LHFPL3: variants seen among roughly 807,000 people sequenced by gnomAD.
LHFPL3 encodes LHFPL tetraspan subfamily member 3 protein.
In LHFPL3, 5 loss-of-function variants were observed where a neutral mutation model predicts 19.3. The observed-to-expected ratio is 0.26, with a 90% CI of 0.14 to 0.54. The LOEUF (loss-of-function observed/expected upper bound fraction) is 0.54. LHFPL3 is among the 20% of genes least tolerant of loss of function. LHFPL3 has a pLI of 0.94. For missense variants in LHFPL3, 249 were observed against 307.4 expected (o/e 0.81, Z 1.42); for synonymous variants, 133 against 126.2 (o/e 1.05, Z -0.36).
In LHFPL3 at chr7:104,460,399, A is replaced by G. The variant is rs1328619203; in HGVS notation, c.445+131175A>G. Among the ~76,000 whole-genome samples the G allele has an allele frequency of 2.6e-5, 4 of 152,040 alleles. No individual in the cohort carries two copies. The East Asian group carries it at 7.7e-4, about 29-fold the overall frequency. ...GATTGCTGGGTCAAGTAGTAGTTCT[A>G]TTTTTGGCTTTTTGAGGAATTGACA... is the stretch of plus-strand genomic sequence containing the variant. On this transcript the variant is annotated intron_variant, in intron 1 of 2. Transcript: ENST00000424859.
chr7:104,887,283 C>T (rs1584598906), intron 2 of LHFPL3, among the ~76,000 whole-genome samples: 1 of 152,296 alleles, frequency 6.6e-6, no homozygotes, highest in Non-Finnish European at 1.5e-5. Flanking sequence ...TGGGTTCCCC[C>T]ATAGATAGAT....
At chr7:104,330,439 C>T (rs1373824622) in intron 1 of LHFPL3, among the ~76,000 whole-genome samples, 1 of 152,194 alleles carries the variant, frequency 6.6e-6, no homozygotes, top group Non-Finnish European at 1.5e-5. Flanking sequence ...GAGAGGGATT[C>T]AATCCCTGAC....
chr7:104,504,571 C>A (rs1418268129), intron 1 of LHFPL3, among the ~76,000 whole-genome samples: 4 of 152,152 alleles, frequency 2.6e-5, no homozygotes, highest in Non-Finnish European at 5.9e-5. Context: ...CTCTGCAGGT[C>A]TGATGAATGC....
chr7:104,553,363 C>G (rs1794696912), intron 1 of LHFPL3, among the ~76,000 whole-genome samples: 1 of 152,162 alleles, frequency 6.6e-6, no homozygotes, highest in South Asian at 2.1e-4. Context: ...TGCTTTACCA[C>G]CTTTCCATTT....
At position 104,816,020 on chromosome 7, in the gene LHFPL3, C is replaced by G. The variant is rs187695237; in HGVS notation, c.682+79109C>G. ...CCATATAGACCAGCACCCCTTGGCA[C>G]AATGAGAATTAGCCTCATTGTGTGC... On this transcript the variant is annotated intron_variant, in intron 2 of 2. Coordinates refer to ENST00000424859, the MANE Select transcript of LHFPL3 (RefSeq NM_199000.3). Among the ~76,000 whole-genome samples, 380 of 152,298 alleles carry G rather than the reference C, an allele frequency of 2.5e-3. 3 individuals carry two copies. Among genetic ancestry groups the G allele is most frequent in the Non-Finnish European group, 3.9e-3 (263 of 68,024 alleles).
At chr7:104,508,785 G>GTT in intron 1 of LHFPL3, among the ~76,000 whole-genome samples, 1 of 149,482 alleles carries the variant, frequency 6.7e-6, no homozygotes, top group Non-Finnish European at 1.5e-5. Flanking sequence ...ATAACTCAAT[G>GTT]AAATTTAAAA....
chr7:104,329,102 C>T lies in LHFPL3; in HGVS notation c.323C>T (p.Ala108Val), dbSNP rs1202570324. ...CTGCCCTCGGGCGCCTTCAAAGCCGCCTCCTTCTTTATCGGCCTCTCCATG... is the reference window on the plus strand; with the variant it reads ...CTGCCCTCGGGCGCCTTCAAAGCCGTCTCCTTCTTTATCGGCCTCTCCATG... ...STLPSGAFKA[A>V]SFFIGLSMML... Residue 108 changes from alanine (A) to valine (V), a missense_variant, in exon 1 of 3, where the codon GCC (alanine) becomes GTC (valine). Ala to Val is a moderately conservative substitution (Grantham distance 64). Transcript: ENST00000424859. The T allele has an allele frequency of 6.2e-7, 1 of 1,613,964 alleles. No individual in the cohort carries two copies. The highest frequency in any genetic ancestry group is 8.5e-7 in the Non-Finnish European group (1 of 1,179,918).
intron 1 of LHFPL3, among the ~76,000 whole-genome samples, chr7:104,349,736 A>G (rs909699002): frequency 6.6e-6 from 1 of 152,234 alleles, no homozygotes; most frequent in African/African-American, 2.4e-5. Context: ...AAAAAGTAAC[A>G]TTTATAATCA....
intron 1 of LHFPL3, among the ~76,000 whole-genome samples, chr7:104,509,443 A>G (rs1159045447): frequency 6.6e-6 from 1 of 152,118 alleles, no homozygotes; most frequent in East Asian, 1.9e-4. Flanking sequence ...AAAATTAACC[A>G]ATATAATCCA....
At chr7:104,539,935 A>G (rs1286082530) in intron 1 of LHFPL3, among the ~76,000 whole-genome samples, 1 of 152,118 alleles carries the variant, frequency 6.6e-6, no homozygotes, top group Admixed American at 6.6e-5. Flanking sequence ...GTGTGATAGG[A>G]TGGAGAGGGT....
chr7:104,400,696 C>T (rs1791297948), intron 1 of LHFPL3, among the ~76,000 whole-genome samples: 1 of 152,108 alleles, frequency 6.6e-6, no homozygotes, highest in Non-Finnish European at 1.5e-5. Flanking sequence ...CTCAAATACC[C>T]CTCAGCATGA....
At chr7:104,430,431 T>TATATATATACAC (rs1791965607) in intron 1 of LHFPL3, among the ~76,000 whole-genome samples, 1 of 12,434 alleles carries the variant, frequency 8.0e-5, no homozygotes, top group Non-Finnish European at 1.7e-4. Context: ...TATATATATA[T>TATATATATACAC]ATATATATAT....
chr7:104,391,035 G>C (rs1473129917), intron 1 of LHFPL3, among the ~76,000 whole-genome samples: 1 of 152,016 alleles, frequency 6.6e-6, no homozygotes, highest in African/African-American at 2.4e-5. Context: ...GGGGTTGTTT[G>C]TTTTTTTCTT....
intron 1 of LHFPL3, among the ~76,000 whole-genome samples, chr7:104,454,672 A>G (rs772933393): frequency 2.6e-5 from 4 of 152,164 alleles, no homozygotes; most frequent in Non-Finnish European, 5.9e-5. Flanking sequence ...GGGTAAATCA[A>G]TGAGATCCCA....
intron 1 of LHFPL3, among the ~76,000 whole-genome samples, chr7:104,430,377 TATATAC>T (rs1176305710): frequency 7.5e-5 from 4 of 53,644 alleles, no homozygotes; most frequent in South Asian, 6.1e-4. Flanking sequence ...TGGGTATATA[TATATAC>T]ATATATATAT....
At chr7:104,656,893 C>T (rs1562959333) in intron 1 of LHFPL3, among the ~76,000 whole-genome samples, 1 of 152,226 alleles carries the variant, frequency 6.6e-6, no homozygotes, top group Non-Finnish European at 1.5e-5. Flanking sequence ...TGGTGTATAG[C>T]ACTTTCCTTT....
intron 2 of LHFPL3, among the ~76,000 whole-genome samples, chr7:104,887,506 C>A (rs548542998): frequency 1.3e-5 from 2 of 152,216 alleles, no homozygotes; most frequent in Non-Finnish European, 2.9e-5. Flanking sequence ...CAATTCTCAT[C>A]AGTCATTGAC....
intron 1 of LHFPL3, among the ~76,000 whole-genome samples, chr7:104,578,145 T>G (rs546157840): frequency 6.6e-6 from 1 of 152,332 alleles, no homozygotes; most frequent in Non-Finnish European, 1.5e-5. Flanking sequence ...TTATAGGCAG[T>G]TAGCTTTTCT....
At chr7:104,772,303 G>T (rs1008709283) in intron 2 of LHFPL3, among the ~76,000 whole-genome samples, 104 of 152,188 alleles carry the variant, frequency 6.8e-4, no homozygotes, top group Non-Finnish European at 1.0e-4. Flanking sequence ...GAAAGGAAGT[G>T]ACTTGCCAAA....
Sources: allele counts gnomAD v4.1 joint callset (sites outside exome capture counted in the v4.1 genomes callset), GRCh38; gene constraint gnomAD v4.1.1; transcripts MANE v1.5; gene names NCBI Gene and HGNC (gene_info 2026-07-23, HGNC 2026-07-21).